ANK1: variants seen among roughly 807,000 people sequenced by gnomAD.
ANK1 encodes ankyrin-1.
A neutral mutation model predicts 210.4 loss-of-function variants in ANK1; 51 were observed. That is an observed-to-expected ratio of 0.24 (90% CI 0.19 to 0.31). The LOEUF (loss-of-function observed/expected upper bound fraction) is 0.31, where lower values mean the gene tolerates loss of function less well. ANK1 is among the 10% of genes least tolerant of loss of function. ANK1 has a pLI of 1.00. For synonymous variants in ANK1, 967 were observed against 1,025.9 expected (o/e 0.94, Z 1.10); for missense variants, 2,051 against 2,504.4 (o/e 0.82, Z 3.86).
At chr8:41,742,591 C>T (rs77075019) in intron 2 of ANK1, among the ~76,000 whole-genome samples, 3,498 of 152,298 alleles carry the variant, frequency 0.023, 135 homozygotes, top group African/African-American at 0.079. Flanking sequence ...ACCTAGGCAA[C>T]ATGTTCATAT....
In ANK1 at chr8:41,723,152, G is replaced by A. The variant is rs775318818; in HGVS notation, c.882C>T (p.His294=). 7 of 1,614,048 alleles carry A rather than the reference G, an allele frequency of 4.3e-6. No individual in the cohort carries two copies. The highest frequency in any genetic ancestry group is 1.6e-4 in the Middle Eastern group (1 of 6,084). The change falls in exon 9 of 43, where the codon CAC becomes CAT. Residue 294 remains histidine, a synonymous_variant. Transcript: ENST00000289734. ...TGGTTTTGGCTTGGATTGGTGCCCC[G>A]TGGTCCAGCAGGATCTCTGAGATTC... ...HVRISEILLD[H]GAPIQAKTKN... is the part of the protein sequence containing the mutation.
intron 1 of ANK1, among the ~76,000 whole-genome samples, chr8:41,856,507 ACT>A (rs1414463184): frequency 6.6e-6 from 1 of 152,040 alleles, no homozygotes; most frequent in African/African-American, 2.4e-5. Flanking sequence ...AGCCACTTGA[ACT>A]CTCTGAGTCT....
chr8:41,706,268 T>A lies in ANK1; in HGVS notation c.1999-27A>T, dbSNP rs759413183. 8 of 1,598,036 alleles carry A rather than the reference T, an allele frequency of 5.0e-6. No homozygotes were observed. In the South Asian group the frequency reaches 8.9e-5, roughly 18 times the overall value. On this transcript the variant is annotated intron_variant, in intron 17 of 42. Coordinates refer to ENST00000289734, the MANE Select transcript of ANK1 (RefSeq NM_000037.4). ...TGCAAAGAAAAAGACGTTCATCACC[T>A]TCTATCAAGTAAAGAATTCCAGGCC...
chr8:41,854,860 G>A (rs1811899892), intron 1 of ANK1, among the ~76,000 whole-genome samples: 1 of 151,984 alleles, frequency 6.6e-6, no homozygotes, highest in African/African-American at 2.4e-5. Flanking sequence ...TGAGGTGGGA[G>A]GATTGCTTGA....
intron 1 of ANK1, among the ~76,000 whole-genome samples, chr8:41,781,654 G>T (rs1586905989): frequency 6.6e-6 from 1 of 152,318 alleles, no homozygotes; most frequent in Middle Eastern, 3.4e-3. Context: ...GCCTGGGACG[G>T]ACCATTCCAC....
intron 1 of ANK1, among the ~76,000 whole-genome samples, chr8:41,821,442 G>A (rs1563842900): frequency 6.6e-6 from 1 of 152,096 alleles, no homozygotes; most frequent in Non-Finnish European, 1.5e-5. Context: ...GACAGAGATT[G>A]CAATATATTT....
chr8:41,876,313 C>T (rs1007411203), intron 1 of ANK1, among the ~76,000 whole-genome samples: 3 of 152,198 alleles, frequency 2.0e-5, no homozygotes, highest in Non-Finnish European at 2.9e-5. Flanking sequence ...CGCAGCCCCT[C>T]GGCCAGCGGG....
intron 1 of ANK1, among the ~76,000 whole-genome samples, chr8:41,760,810 C>T (rs1360698483): frequency 1.3e-5 from 2 of 152,148 alleles, no homozygotes; most frequent in African/African-American, 4.8e-5. Context: ...ACAAGCCACA[C>T]ATGGGAGAAG....
Position 41,727,956 on chromosome 8 carries a change from C to A in ANK1, c.279G>T (p.Val93=). ...HIAALAGQDE[V]VRELVNYGAN... Reference sequence around the variant, plus strand: ...CTCCATAGTTGACAAGCTCCCGGACCACCTCATCCTGCCCGGCTAGAGCAG... The same window carrying A: ...CTCCATAGTTGACAAGCTCCCGGACAACCTCATCCTGCCCGGCTAGAGCAG... The change falls in exon 4 of 43, where the codon GTG becomes GTT. Residue 93 remains valine, a synonymous_variant. Coordinates refer to ENST00000289734, the MANE Select transcript of ANK1 (RefSeq NM_000037.4). The A allele has an allele frequency of 6.2e-7, 1 of 1,614,202 alleles. No homozygotes were observed. The highest frequency in any genetic ancestry group is 2.2e-5 in the East Asian group (1 of 44,884).
intron 1 of ANK1, among the ~76,000 whole-genome samples, chr8:41,765,645 G>GGGAATGGAAGAGAA (rs1841610940): frequency 6.6e-6 from 1 of 152,118 alleles, no homozygotes; most frequent in African/African-American, 2.4e-5. Flanking sequence ...TCAGGAGAAA[G>GGGAATGGAAGAGAA]GGAATGGAAG....
rs1437298145 is a variant in ANK1 at position 41,720,983 on chromosome 8, G to A, written c.910-1125C>T. On this transcript the variant is annotated intron_variant, in intron 9 of 42. Transcript: ENST00000289734. ...CCTGGGACTTCAGCTTTTAGAAAGT[G>A]GAAATGAGAGGATTTTCATCAAGGA... Among the ~76,000 whole-genome samples the A allele has an allele frequency of 3.3e-5, 5 of 152,166 alleles. No homozygotes were observed. The East Asian group carries it at 9.6e-4, about 29-fold the overall frequency.
Position 41,723,528 on chromosome 8 carries a change from C to T in ANK1, c.810+7G>A, listed in dbSNP as rs754002500. 6.2e-7 allele frequency: 1 copy of T among 1,614,034 alleles called. No homozygotes were observed. Among genetic ancestry groups the T allele is most frequent in the Admixed American group, 1.7e-5 (1 of 60,028 alleles). Reference sequence around the variant, plus strand: ...CCTGCCTGGCTACAGCACCTGCTGGCACCCACCTTGGTCTTGGTTTCTATC... The same window carrying T: ...CCTGCCTGGCTACAGCACCTGCTGGTACCCACCTTGGTCTTGGTTTCTATC... On this transcript the variant is annotated splice_region_variant and intron_variant, in intron 8 of 42. Transcript: ENST00000289734.
chr8:41,656,546 A>T (rs917308896), intron 42 of ANK1, among the ~76,000 whole-genome samples: 2 of 152,202 alleles, frequency 1.3e-5, no homozygotes, highest in Non-Finnish European at 2.9e-5. Context: ...TCCTGCCCCC[A>T]TGGGGCCTCC....
chr8:41,768,406 G>A (rs533345373), intron 1 of ANK1, among the ~76,000 whole-genome samples: 2 of 152,286 alleles, frequency 1.3e-5, no homozygotes, highest in African/African-American at 4.8e-5. Flanking sequence ...GTACAGCTGC[G>A]CGTTGGTGAG....
At chr8:41,847,312 C>T (rs1810247822) in intron 1 of ANK1, among the ~76,000 whole-genome samples, 1 of 152,172 alleles carries the variant, frequency 6.6e-6, no homozygotes, top group Non-Finnish European at 1.5e-5. Context: ...GAGGTGAAAG[C>T]GAGGAAGACG....
chr8:41,845,878 G>A (rs1809943271), intron 1 of ANK1, among the ~76,000 whole-genome samples: 1 of 152,178 alleles, frequency 6.6e-6, no homozygotes, highest in Non-Finnish European at 1.5e-5. Context: ...GTTTTACACA[G>A]GGATTTGCAG....
rs112696006 is a variant in ANK1 at position 41,857,905 on chromosome 8, A to AAAAT, written c.126+38446_126+38449dup. On this transcript the variant is annotated intron_variant, in intron 1 of 42. Transcript: ENST00000265709. ...GGCGACAGAGTGAGACTCCATCTCA[A>AAAAT]AAATAAATAAATAAATAAATAAATA... 4.6e-3 allele frequency among the ~76,000 whole-genome samples: 692 copies of AAAAT among 150,958 alleles called. 5 individuals carry two copies. Among genetic ancestry groups the AAAAT allele is most frequent in the Middle Eastern group, 0.01 (3 of 294 alleles).
At chr8:41,687,035 A>C (rs1276975053) in intron 35 of ANK1, among the ~76,000 whole-genome samples, 1 of 152,226 alleles carries the variant, frequency 6.6e-6, no homozygotes, top group Non-Finnish European at 1.5e-5. Flanking sequence ...AGCAGCCAGC[A>C]GTCATGATTA....
At chr8:41,831,664 A>G (rs1563866197) in intron 1 of ANK1, among the ~76,000 whole-genome samples, 1 of 151,202 alleles carries the variant, frequency 6.6e-6, no homozygotes, top group Non-Finnish European at 1.5e-5. Context: ...AAGAAGAAGA[A>G]AAAGAAAAAA....
Sources: allele counts gnomAD v4.1 joint callset (sites outside exome capture counted in the v4.1 genomes callset), GRCh38; gene constraint gnomAD v4.1.1; transcripts MANE v1.5; gene names NCBI Gene and HGNC (gene_info 2026-07-23, HGNC 2026-07-21).